DEPDC1B: variants seen among roughly 807,000 people sequenced by gnomAD.
The protein encoded by DEPDC1B is DEP domain-containing protein 1B.
In DEPDC1B, 51 loss-of-function variants were observed where a neutral mutation model predicts 66.5. That is an observed-to-expected ratio of 0.77 (90% CI 0.61 to 0.97). The LOEUF is 0.97. DEPDC1B is among the 50% of genes least tolerant of loss of function. DEPDC1B has a pLI of 0.00. For missense variants in DEPDC1B, 552 were observed against 637.1 expected (o/e 0.87, Z 1.44); for synonymous variants, 226 against 223.6 (o/e 1.01, Z -0.10).
chr5:60,641,547 C>T (rs1315495311), intron 6 of DEPDC1B, among the ~76,000 whole-genome samples: 1 of 152,004 alleles, frequency 6.6e-6, no homozygotes, highest in East Asian at 1.9e-4. Flanking sequence ...AGGATGGTCT[C>T]CATCTCCTGA....
chr5:60,632,517 G>A (rs1752949055), intron 7 of DEPDC1B, among the ~76,000 whole-genome samples: 1 of 152,256 alleles, frequency 6.6e-6, no homozygotes, highest in African/African-American at 2.4e-5. Flanking sequence ...ACTTTGCCCA[G>A]AATATCCAGC....
At chr5:60,682,517 A>T (rs930307616) in intron 2 of DEPDC1B, among the ~76,000 whole-genome samples, 16 of 152,170 alleles carry the variant, frequency 1.1e-4, no homozygotes, top group Admixed American at 2.0e-4. Context: ...AAGTATAATT[A>T]AAAAAATAAA....
chr5:60,601,061 A>T (rs897310757), intron 9 of DEPDC1B, among the ~76,000 whole-genome samples: 2 of 152,250 alleles, frequency 1.3e-5, no homozygotes, highest in East Asian at 3.9e-4. Flanking sequence ...CTGCTGCCTC[A>T]TGAAGGATGT....
At chr5:60,696,479 A>G (rs541117722) in intron 1 of DEPDC1B, among the ~76,000 whole-genome samples, 18 of 152,326 alleles carry the variant, frequency 1.2e-4, no homozygotes, top group Non-Finnish European at 2.1e-4. Flanking sequence ...TTATTTCCAA[A>G]TATAACTAAG....
At chr5:60,605,975 A>G (rs1395405663) in intron 7 of DEPDC1B, 119 bp from the exon 8 acceptor site, 2 of 858,764 alleles carry the variant, frequency 2.3e-6, no homozygotes, top group Non-Finnish European at 3.4e-6. Context: ...CACATATTCA[A>G]CTATACTGGG....
At chr5:60,612,528 C>CAAAAAAAAAAA (rs35196065) in intron 7 of DEPDC1B, among the ~76,000 whole-genome samples, 1 of 90,236 alleles carries the variant, frequency 1.1e-5, no homozygotes, top group Admixed American at 1.2e-4. Context: ...GAGATCTGCT[C>CAAAAAAAAAAA]AAAAAAAAAA....
intron 7 of DEPDC1B, among the ~76,000 whole-genome samples, chr5:60,606,437 A>G (rs1477296876): frequency 2.0e-5 from 3 of 151,934 alleles, no homozygotes; most frequent in Non-Finnish European, 4.4e-5. Flanking sequence ...CAATCATGTT[A>G]TATGCCATCC....
At chr5:60,604,090 C>T (rs1752261032) in intron 8 of DEPDC1B, among the ~76,000 whole-genome samples, 1 of 151,410 alleles carries the variant, frequency 6.6e-6, no homozygotes, top group South Asian at 2.1e-4. Flanking sequence ...TGACAATCAT[C>T]TTTGAACAAA....
At chr5:60,696,227 G>A (rs907736134) in intron 1 of DEPDC1B, among the ~76,000 whole-genome samples, 2 of 152,084 alleles carry the variant, frequency 1.3e-5, no homozygotes, top group Non-Finnish European at 2.9e-5. Flanking sequence ...AATCCATTAG[G>A]ATTCAGAATG....
At chr5:60,685,337 TAC>T (rs2112027744) in intron 2 of DEPDC1B, among the ~76,000 whole-genome samples, 2 of 151,692 alleles carry the variant, frequency 1.3e-5, no homozygotes, top group East Asian at 3.9e-4. Context: ...GTGGTTAACT[TAC>T]ACAACTTCCA....
chr5:60,666,424 T>C (rs1753841662), intron 2 of DEPDC1B, among the ~76,000 whole-genome samples: 1 of 152,064 alleles, frequency 6.6e-6, no homozygotes, highest in Non-Finnish European at 1.5e-5. Context: ...AACCGCCACA[T>C]CTTGGGAGCT....
chr5:60,599,523 C>T (rs1003401381), intron 9 of DEPDC1B, among the ~76,000 whole-genome samples: 2 of 152,164 alleles, frequency 1.3e-5, no homozygotes, highest in African/African-American at 4.8e-5. Flanking sequence ...AAGCTTGTGC[C>T]CTCGTTGGGA....
chr5:60,596,930 T>A lies in DEPDC1B; in HGVS notation c.*823A>T, dbSNP rs1752107181. On this transcript the variant is annotated 3_prime_UTR_variant, in exon 11 of 11. Coordinates refer to ENST00000265036, the MANE Select transcript of DEPDC1B (RefSeq NM_018369.3). ...CGAGGTATGGCATTTTTAAAAAAAA[T>A]AAGTTTATTTACATTTCACTTACTT... 1 of 152,578 alleles carries A rather than the reference T, an allele frequency of 6.6e-6. No homozygotes were observed. Among genetic ancestry groups the A allele is most frequent in the Non-Finnish European group, 1.5e-5 (1 of 68,014 alleles). The allele number at this position is 152,578 out of a possible 1,614,324, so 9.5% of individuals were successfully genotyped here.
chr5:60,691,311 C>G (rs761114222), intron 1 of DEPDC1B, among the ~76,000 whole-genome samples: 2 of 152,296 alleles, frequency 1.3e-5, no homozygotes, highest in East Asian at 3.9e-4. Flanking sequence ...ACCTCAGCCT[C>G]CCAAAGTGCT....
At chr5:60,662,245 G>A (rs549187775) in intron 2 of DEPDC1B, among the ~76,000 whole-genome samples, 11 of 152,190 alleles carry the variant, frequency 7.2e-5, no homozygotes, top group Admixed American at 2.0e-4. Flanking sequence ...AAAATTAGCC[G>A]GGCATGGTGG....
In DEPDC1B at chr5:60,645,637, T is replaced by G; in HGVS notation, c.451-18A>C. 1 of 1,596,012 alleles carries G rather than the reference T, an allele frequency of 6.3e-7. No homozygotes were observed. The highest frequency in any genetic ancestry group is 8.5e-7 in the Non-Finnish European group (1 of 1,171,456). On this transcript the variant is annotated intron_variant, in intron 3 of 10. Transcript: ENST00000265036. ...TCAGAATTCTAATGGAGGGGGGATG[T>G]AAGAAGGGAGGGAAGGAGAAACGGT...
intron 1 of DEPDC1B, among the ~76,000 whole-genome samples, chr5:60,690,388 C>A (rs908290229): frequency 6.6e-6 from 1 of 152,190 alleles, no homozygotes; most frequent in African/African-American, 2.4e-5. Context: ...CTGATCCTAT[C>A]TGCTTTGGTA....
intron 7 of DEPDC1B, among the ~76,000 whole-genome samples, chr5:60,613,904 C>T (rs1486522408): frequency 6.6e-6 from 1 of 151,264 alleles, no homozygotes; most frequent in Non-Finnish European, 1.5e-5. Context: ...CCTGTATGAC[C>T]ACCCAAGAGA....
intron 1 of DEPDC1B, among the ~76,000 whole-genome samples, chr5:60,695,286 T>C (rs2112051280): frequency 6.6e-6 from 1 of 152,262 alleles, no homozygotes; most frequent in Non-Finnish European, 1.5e-5. Flanking sequence ...CTGCTCAGTT[T>C]CTGGTGAGGC....
Sources: allele counts gnomAD v4.1 joint callset (sites outside exome capture counted in the v4.1 genomes callset), GRCh38; gene constraint gnomAD v4.1.1; transcripts MANE v1.5; gene names NCBI Gene and HGNC (gene_info 2026-07-23, HGNC 2026-07-21).